The following CERS6 variants were observed in gnomAD, a reference collection of about 807,000 sequenced individuals.
CERS6 encodes the protein LAG1 homolog, ceramide synthase 6.
A neutral mutation model predicts 56.8 loss-of-function variants in CERS6; 26 were observed. That is an observed-to-expected ratio of 0.46 (90% CI 0.34 to 0.63). The LOEUF is 0.63. Ranked by LOEUF, CERS6 falls within the 30% of genes least tolerant of loss-of-function variation. The pLI is 0.01. For synonymous variants in CERS6, 164 were observed against 173.3 expected, an observed-to-expected ratio of 0.95 and a Z score of 0.42; for missense variants, 415 against 467.5, an observed-to-expected ratio of 0.89 and a Z score of 1.04.
chr2:168,495,243 C>T (rs142718867), intron 1 of CERS6, among the ~76,000 whole-genome samples: 59 of 152,308 alleles, frequency 3.9e-4, no homozygotes, highest in African/African-American at 1.3e-3. Context: ...GCGATGGAAG[C>T]GGTGAGGAGT....
chr2:168,460,627 G>A (rs1045203781), intron 1 of CERS6, among the ~76,000 whole-genome samples: 1 of 152,182 alleles, frequency 6.6e-6, no homozygotes, highest in Admixed American at 6.5e-5. Context: ...CAGTATTTCA[G>A]AATAACCAAC....
At chr2:168,553,374 A>G (rs1381851549) in intron 2 of CERS6, among the ~76,000 whole-genome samples, 3 of 152,312 alleles carry the variant, frequency 2.0e-5, no homozygotes, top group East Asian at 1.9e-4. Flanking sequence ...TAATAAAAAT[A>G]TAGTGAAAAT....
intron 1 of CERS6, among the ~76,000 whole-genome samples, chr2:168,461,028 A>G (rs568961138): frequency 4.6e-5 from 7 of 152,094 alleles, no homozygotes; most frequent in African/African-American, 1.7e-4. Context: ...GCTGGTACTT[A>G]GGGGGAAAGG....
intron 3 of CERS6, among the ~76,000 whole-genome samples, chr2:168,584,755 A>G (rs1028138282): frequency 1.3e-5 from 2 of 152,230 alleles, no homozygotes; most frequent in African/African-American, 4.8e-5. Context: ...AATTTGGGGC[A>G]AATTCCTTTT....
At chr2:168,475,555 T>C (rs756129760) in intron 1 of CERS6, among the ~76,000 whole-genome samples, 17 of 152,152 alleles carry the variant, frequency 1.1e-4, no homozygotes, top group Non-Finnish European at 2.1e-4. Flanking sequence ...TGATTAAATT[T>C]AATGGATGTA....
chr2:168,654,356 C>A (rs1365084370), intron 4 of CERS6, among the ~76,000 whole-genome samples: 1 of 151,970 alleles, frequency 6.6e-6, no homozygotes, highest in African/African-American at 2.4e-5. Flanking sequence ...CCAGCCTAGC[C>A]AACATGGTGA....
intron 3 of CERS6, among the ~76,000 whole-genome samples, chr2:168,603,223 T>C (rs1462339058): frequency 1.3e-5 from 2 of 152,148 alleles, no homozygotes; most frequent in Admixed American, 6.5e-5. Context: ...CAAGGCCTCA[T>C]TGGTGATGGG....
At chr2:168,468,726 T>C (rs1693926529) in intron 1 of CERS6, among the ~76,000 whole-genome samples, 2 of 152,324 alleles carry the variant, frequency 1.3e-5, no homozygotes, top group South Asian at 2.1e-4. Context: ...GATCCCCATT[T>C]TCCCTAGTTA....
intron 8 of CERS6, among the ~76,000 whole-genome samples, chr2:168,719,856 C>T (rs574959573): frequency 9.9e-5 from 15 of 152,060 alleles, no homozygotes; most frequent in African/African-American, 3.6e-4. Flanking sequence ...TTCTAGTAGC[C>T]ATACTAAAGG....
intron 3 of CERS6, among the ~76,000 whole-genome samples, chr2:168,574,604 A>G (rs554952271): frequency 3.6e-4 from 55 of 152,314 alleles, no homozygotes; most frequent in African/African-American, 1.3e-3. Context: ...GTTATTTAAT[A>G]TAGTGATTAA....
Position 168,605,698 on chromosome 2 carries a change from C to T in CERS6, c.408-25287C>T, listed in dbSNP as rs150882664. 2.8e-3 allele frequency among the ~76,000 whole-genome samples: 422 copies of T among 152,330 alleles called. 4 individuals are homozygous for T. The highest frequency in any genetic ancestry group is 9.2e-3 in the African/African-American group (384 of 41,572). ...ACTGCTCCCTACATCCCAGCTGCTC[C>T]AGCCATGGCTCAAAGGGGCCCAGGT... On this transcript the variant is annotated intron_variant, in intron 3 of 9. Coordinates refer to ENST00000305747, the MANE Select transcript of CERS6 (RefSeq NM_203463.3).
At chr2:168,691,707 A>T (rs939378269) in intron 5 of CERS6, among the ~76,000 whole-genome samples, 2 of 152,198 alleles carry the variant, frequency 1.3e-5, no homozygotes, top group Non-Finnish European at 2.9e-5. Flanking sequence ...GAATTCAGTG[A>T]TATAAGCATG....
chr2:168,536,558 T>C (rs1695268114), intron 1 of CERS6, among the ~76,000 whole-genome samples: 1 of 152,144 alleles, frequency 6.6e-6, no homozygotes, highest in South Asian at 2.1e-4. Context: ...ACCTCAAATA[T>C]ACACAACAAA....
In CERS6 at chr2:168,687,631, T is replaced by C. The variant is rs189479020; in HGVS notation, c.466-3403T>C. Among the ~76,000 whole-genome samples the C allele has an allele frequency of 2.0e-5, 3 of 152,286 alleles. No homozygotes were observed. In the East Asian group the frequency reaches 5.8e-4, roughly 29 times the overall value. ...GATGACACGTGTAAAATACTTTAAA[T>C]CTGTGAAATGTTTTATAACATGATT... On this transcript the variant is annotated intron_variant, in intron 4 of 9. Transcript: ENST00000305747.
intron 4 of CERS6, among the ~76,000 whole-genome samples, chr2:168,631,520 T>C (rs1289737485): frequency 2.5e-4 from 31 of 122,348 alleles, no homozygotes; most frequent in Non-Finnish European, 4.8e-5. Context: ...ATATAAACTA[T>C]TATATAAATA....
At chr2:168,714,543 C>T (rs1687180001) in intron 6 of CERS6, among the ~76,000 whole-genome samples, 1 of 152,134 alleles carries the variant, frequency 6.6e-6, no homozygotes, top group South Asian at 2.1e-4. Flanking sequence ...CAAGTAGTGC[C>T]CTTCTTTTCT....
intron 3 of CERS6, among the ~76,000 whole-genome samples, chr2:168,563,775 C>T (rs1030398083): frequency 3.3e-5 from 5 of 152,012 alleles, no homozygotes; most frequent in African/African-American, 4.8e-5. Context: ...CCAGCTTGGG[C>T]GACAGAGCAA....
chr2:168,631,415 T>C (rs1684713873), intron 4 of CERS6, among the ~76,000 whole-genome samples: 1 of 133,830 alleles, frequency 7.5e-6, no homozygotes, highest in South Asian at 2.1e-4. Context: ...TTATATAATA[T>C]TATGTAAATA....
chr2:168,736,637 G>A (rs78837218), intron 8 of CERS6, among the ~76,000 whole-genome samples: 2,395 of 152,316 alleles, frequency 0.016, 25 homozygotes, highest in Non-Finnish European at 0.024. Context: ...ATGTAGAGGA[G>A]GATTCTTTGA....
Sources: allele counts gnomAD v4.1 joint callset (sites outside exome capture counted in the v4.1 genomes callset), GRCh38; gene constraint gnomAD v4.1.1; transcripts MANE v1.5; gene names NCBI Gene and HGNC (gene_info 2026-07-23, HGNC 2026-07-21).